Variants in BOLA1 observed in about 807,000 individuals in gnomAD.
BOLA1 encodes bolA-like protein 1.
BOLA1 carries 6 observed loss-of-function variants against 6.6 expected under a neutral mutation model. The ratio of observed to expected loss-of-function variants is 0.92; its 90% CI spans 0.50 to 1.81. The LOEUF is 1.81. Ranked by LOEUF, BOLA1 falls within the 40% of genes most tolerant of loss-of-function variation. BOLA1 has a pLI of 0.01. For synonymous variants in BOLA1, 87 were observed against 85.6 expected, an observed-to-expected ratio of 1.02 and a Z score of -0.09; for missense variants, 183 against 186.8, an observed-to-expected ratio of 0.98 and a Z score of 0.12.
In BOLA1 at chr1:149,900,025, C is replaced by A. The variant is rs1553761617; in HGVS notation, c.-35C>A. 1 of 1,543,300 alleles carries A rather than the reference C, an allele frequency of 6.5e-7. No individual in the cohort carries two copies. The highest frequency in any genetic ancestry group is 8.8e-7 in the Non-Finnish European group (1 of 1,141,934). ...CTCTCACCAGGCGGATCGCCCCGAC[C>A]CTCACTCCTGGCGTCTGAGTCTCTG... On this transcript the variant is annotated 5_prime_UTR_variant, in exon 2 of 2. Transcript: ENST00000369152.
At position 149,900,427 on chromosome 1, in the gene BOLA1, G is replaced by A; in HGVS notation, c.368G>A (p.Ser123Asn). The change falls in exon 2 of 2, where the codon AGC (serine) becomes AAC (asparagine). Residue 123 changes from serine to asparagine, a missense_variant. Ser to Asn is a conservative substitution (Grantham distance 46). Transcript: ENST00000369152. ...AGAGAGAACTCTCAGCTGGACACTA[G>A]CCCCCCATGCCTGGGTGGGAACAAG... Reference protein sequence around the residue: ...QWRENSQLDTSPPCLGGNKKT... With the variant: ...QWRENSQLDTNPPCLGGNKKT... 2 of 1,594,734 alleles carry A rather than the reference G, an allele frequency of 1.3e-6. No individual in the cohort carries two copies. Among genetic ancestry groups the A allele is most frequent in the Non-Finnish European group, 1.7e-6 (2 of 1,166,434 alleles).
rs1548169 is a variant in BOLA1, at chr1:149,900,664, C to T, written c.*191C>T. ...AGTGAACCCGAGAAAAGAGAAGAAT[C>T]ACTCACTACTGCTCTTGCCCTGGAC... On this transcript the variant is annotated 3_prime_UTR_variant, in exon 2 of 2. Coordinates refer to ENST00000369152, the MANE Select transcript of BOLA1 (RefSeq NM_016074.5). 3.3e-5 allele frequency: 20 copies of T among 601,282 alleles called. No individual in the cohort carries two copies. Among genetic ancestry groups the T allele is most frequent in the Admixed American group, 2.8e-4 (8 of 29,052 alleles). 37.2% of individuals were successfully genotyped at this position (601,282 alleles called of 1,614,324 possible). A position where few individuals can be genotyped will look rare whatever the true frequency, so the allele number is the denominator to read the frequency against.
intron 1 of BOLA1, 117 bp from the exon 2 acceptor site, chr1:149,899,893 G>T: frequency 1.4e-6 from 1 of 709,118 alleles, no homozygotes; most frequent in Non-Finnish European, 2.2e-6. Flanking sequence ...GGTGTCTCGG[G>T]TCTCCCCGTG....
rs1553761767 is a variant in BOLA1, at chr1:149,900,489, G to A, written c.*16G>A. Reference sequence around the variant, plus strand: ...AACCCCCTGAACCCCAAGAGAGGGAGGACCAGGATCCGAATGGGCTGGGTG... The same window carrying A: ...AACCCCCTGAACCCCAAGAGAGGGAAGACCAGGATCCGAATGGGCTGGGTG... On this transcript the variant is annotated 3_prime_UTR_variant, in exon 2 of 2. Coordinates refer to ENST00000369152, the MANE Select transcript of BOLA1 (RefSeq NM_016074.5). The A allele has an allele frequency of 1.9e-6, 3 of 1,548,470 alleles. No individual in the cohort carries two copies. The highest frequency in any genetic ancestry group is 1.9e-5 in the Admixed American group (1 of 51,578).
At position 149,900,011 on chromosome 1, in the gene BOLA1, C is replaced by T. The variant is rs1367933665; in HGVS notation, c.-49C>T. 1.6e-5 allele frequency: 24 copies of T among 1,527,872 alleles called. No individual in the cohort carries two copies. The highest frequency in any genetic ancestry group is 2.0e-5 in the Non-Finnish European group (23 of 1,136,880). The allele number at this position is 1,527,872 out of a possible 1,614,324, so 94.6% of individuals were successfully genotyped here. On this transcript the variant is annotated splice_region_variant and 5_prime_UTR_variant, in exon 2 of 2. Coordinates refer to ENST00000369152, the MANE Select transcript of BOLA1 (RefSeq NM_016074.5). ...GTGTTGACATTGTGCTCTCACCAGG[C>T]GGATCGCCCCGACCCTCACTCCTGG...
chr1:149,899,993 C>G lies in BOLA1; in HGVS notation c.-50-17C>G. ...GCGGGGATCGCGGGGCGGGTGTTGA[C>G]ATTGTGCTCTCACCAGGCGGATCGC... On this transcript the variant is annotated splice_polypyrimidine_tract_variant and intron_variant, in intron 1 of 1. Coordinates refer to ENST00000369152, the MANE Select transcript of BOLA1 (RefSeq NM_016074.5). 1 of 1,510,568 alleles carries G rather than the reference C, an allele frequency of 6.6e-7. No individual in the cohort carries two copies. The highest frequency in any genetic ancestry group is 8.9e-7 in the Non-Finnish European group (1 of 1,129,928). 93.6% of individuals were successfully genotyped at this position (1,510,568 alleles called of 1,614,324 possible).
intron 1 of BOLA1, 157 bp downstream of exon 1, chr1:149,899,829 C>T (rs954472750): frequency 3.8e-6 from 2 of 521,936 alleles, no homozygotes; most frequent in Non-Finnish European, 6.6e-6. Flanking sequence ...TCGCTTGTCC[C>T]TTCACTTCCA....
At position 149,900,335 on chromosome 1, in the gene BOLA1, G is replaced by A. The variant is rs782024514; in HGVS notation, c.276G>A (p.Ala92=). The change falls in exon 2 of 2, where the codon GCG becomes GCA. Residue 92 remains alanine (A), a synonymous_variant. Transcript: ENST00000369152. Reference sequence around the variant, plus strand: ...AACGACACCGGCTGGTCCACGCAGCGCTGGCCGAGGAGCTGGGAGGTCCGG... The same window carrying A: ...AACGACACCGGCTGGTCCACGCAGCACTGGCCGAGGAGCTGGGAGGTCCGG... The part of the protein sequence containing the change: ...PLQRHRLVHA[A]LAEELGGPVH... 2 of 1,613,312 alleles carry A rather than the reference G, an allele frequency of 1.2e-6. No individual in the cohort carries two copies. The highest frequency in any genetic ancestry group is 1.7e-5 in the Admixed American group (1 of 60,022).
At position 149,900,503 on chromosome 1, in the gene BOLA1, A is replaced by G; in HGVS notation, c.*30A>G. 6.5e-7 allele frequency: 1 copy of G among 1,538,074 alleles called. No homozygotes were observed. Among genetic ancestry groups the G allele is most frequent in the South Asian group, 1.2e-5 (1 of 80,466 alleles). On this transcript the variant is annotated 3_prime_UTR_variant, in exon 2 of 2. Coordinates refer to ENST00000369152, the MANE Select transcript of BOLA1 (RefSeq NM_016074.5). ...CAAGAGAGGGAGGACCAGGATCCGA[A>G]TGGGCTGGGTGAGCACGAATTACCG...
At chr1:149,899,954 G>A (rs1553761596) in intron 1 of BOLA1, 56 bp from the exon 2 acceptor site, 3 of 1,424,848 alleles carry the variant, frequency 2.1e-6, no homozygotes, top group African/African-American at 2.9e-5. Context: ...TCCGGGCGTG[G>A]GGTTAGGGCG....
chr1:149,900,322 T>A lies in BOLA1; in HGVS notation c.263T>A (p.Leu88Gln). 1 of 1,613,464 alleles carries A rather than the reference T, an allele frequency of 6.2e-7. No individual in the cohort carries two copies. Among genetic ancestry groups the A allele is most frequent in the South Asian group, 1.1e-5 (1 of 91,078 alleles). The change falls in exon 2 of 2, where the codon CTG becomes CAG. Residue 88 changes from leucine (L) to glutamine (Q), a missense_variant. Physicochemically the swap from Leu to Gln is moderately radical, Grantham distance 113. Coordinates refer to ENST00000369152, the MANE Select transcript of BOLA1 (RefSeq NM_016074.5). The part of the protein sequence containing the change: ...EGLSPLQRHR[L>Q]VHAALAEELG... ...CTGAGCCCCCTACAACGACACCGGC[T>A]GGTCCACGCAGCGCTGGCCGAGGAG...
chr1:149,900,310 AACGAC>A lies in BOLA1; in HGVS notation c.254_258del (p.Arg85ProfsTer37), dbSNP rs782203155. 6 of 1,613,518 alleles carry A rather than the reference AACGAC, an allele frequency of 3.7e-6. No homozygotes were observed. Among genetic ancestry groups the A allele is most frequent in the Non-Finnish European group, 5.1e-6 (6 of 1,179,934 alleles). On this transcript the variant is annotated frameshift_variant, in exon 2 of 2. Coordinates refer to ENST00000369152, the MANE Select transcript of BOLA1 (RefSeq NM_016074.5). LOFTEE classifies it high-confidence loss of function. ...CGTTTCGAGGGACTGAGCCCCCTAC[AACGAC>A]ACCGGCTGGTCCACGCAGCGCTGGC... is the stretch of plus-strand genomic sequence containing the variant.
rs2092384686 is a variant in BOLA1, at chr1:149,900,217, A to G, written c.158A>G (p.Asn53Ser). The G allele has an allele frequency of 2.5e-6, 4 of 1,613,508 alleles. No individual in the cohort carries two copies. Among genetic ancestry groups the G allele is most frequent in the South Asian group, 1.1e-5 (1 of 91,072 alleles). The change falls in exon 2 of 2, where the codon AAC (asparagine) becomes AGC (serine). Residue 53 changes from asparagine to serine, a missense_variant. By Grantham distance (46) the Asn-to-Ser change is conservative. Transcript: ENST00000369152. ...ALSPEVLELR[N>S]ESGGHAVPPG... ...AGCCCCGAGGTGCTAGAGCTTCGCA[A>G]CGAGAGCGGTGGCCACGCGGTCCCG...
rs1384413385 is a variant in BOLA1 at position 149,900,687 on chromosome 1, G to C, written c.*214G>C. On this transcript the variant is annotated 3_prime_UTR_variant, in exon 2 of 2. Coordinates refer to ENST00000369152, the MANE Select transcript of BOLA1 (RefSeq NM_016074.5). ...ATCACTCACTACTGCTCTTGCCCTGGACTATTCAGGAAGGGCAGCCCGGAT... is the reference window on the plus strand; with the variant it reads ...ATCACTCACTACTGCTCTTGCCCTGCACTATTCAGGAAGGGCAGCCCGGAT... 1 of 522,834 alleles carries C rather than the reference G, an allele frequency of 1.9e-6. No individual in the cohort carries two copies. Among genetic ancestry groups the C allele is most frequent in the Non-Finnish European group, 3.4e-6 (1 of 295,976 alleles). The allele number at this position is 522,834 out of a possible 1,614,324, so 32.4% of individuals were successfully genotyped here.
rs1336608502 is a variant in BOLA1 at position 149,900,549 on chromosome 1, T to A, written c.*76T>A. 1 of 1,473,094 alleles carries A rather than the reference T, an allele frequency of 6.8e-7. No homozygotes were observed. The highest frequency in any genetic ancestry group is 2.3e-5 in the East Asian group (1 of 43,326). The allele number at this position is 1,473,094 out of a possible 1,614,324, so 91.3% of individuals were successfully genotyped here. ...TACCGAGGCCTTCCCTTTGATACAGTCCAGGATTTGTAAGGGATGAAGACC... is the reference window on the plus strand; with the variant it reads ...TACCGAGGCCTTCCCTTTGATACAGACCAGGATTTGTAAGGGATGAAGACC... On this transcript the variant is annotated 3_prime_UTR_variant, in exon 2 of 2. Coordinates refer to ENST00000369152, the MANE Select transcript of BOLA1 (RefSeq NM_016074.5).
rs759954856 is a variant in BOLA1 at position 149,900,566 on chromosome 1, A to T, written c.*93A>T. The stretch of plus-strand genomic sequence containing the variant: ...TGATACAGTCCAGGATTTGTAAGGG[A>T]TGAAGACCCCTGGGCCCCATTCTGT... On this transcript the variant is annotated 3_prime_UTR_variant, in exon 2 of 2. Coordinates refer to ENST00000369152, the MANE Select transcript of BOLA1 (RefSeq NM_016074.5). The T allele has an allele frequency of 3.5e-5, 48 of 1,390,088 alleles. No individual in the cohort carries two copies. Among genetic ancestry groups the T allele is most frequent in the Non-Finnish European group, 4.3e-5 (44 of 1,026,198 alleles). The allele number at this position is 1,390,088 out of a possible 1,614,324, so 86.1% of individuals were successfully genotyped here.
rs1396566443 is a variant in BOLA1 at position 149,900,228 on chromosome 1, G to A, written c.169G>A (p.Gly57Ser). 1 of 1,613,128 alleles carries A rather than the reference G, an allele frequency of 6.2e-7. No homozygotes were observed. The highest frequency in any genetic ancestry group is 1.3e-5 in the African/African-American group (1 of 74,934). Residue 57 changes from glycine (G) to serine (S), a missense_variant, in exon 2 of 2, where the codon GGC becomes AGC. Gly to Ser is a moderately conservative substitution (Grantham distance 56, BLOSUM62 0). Transcript: ENST00000369152. ...EVLELRNESG[G>S]HAVPPGSETH... ...GCTAGAGCTTCGCAACGAGAGCGGT[G>A]GCCACGCGGTCCCGCCTGGCAGTGA...
rs782812985 is a variant in BOLA1 at position 149,900,151 on chromosome 1, C to T, written c.92C>T (p.Pro31Leu). The change falls in exon 2 of 2, where the codon CCG (proline) becomes CTG (leucine). Residue 31 changes from proline to leucine, a missense_variant. Transcript: ENST00000369152. Reference protein sequence around the residue: ...QGSAGSGAIGPVEAAIRTKLE... With the variant: ...QGSAGSGAIGLVEAAIRTKLE... ...AGCGCGGGATCCGGGGCCATCGGTC[C>T]GGTGGAGGCCGCCATTCGCACGAAG... is the stretch of plus-strand genomic sequence containing the variant. 18 of 1,613,440 alleles carry T rather than the reference C, an allele frequency of 1.1e-5. No homozygotes were observed. The East Asian group carries it at 2.2e-4, about 20-fold the overall frequency.
intron 1 of BOLA1, 78 bp from the exon 2 acceptor site, chr1:149,899,932 C>A: frequency 8.1e-7 from 1 of 1,227,316 alleles, no homozygotes; most frequent in South Asian, 1.5e-5. Context: ...CCTATAGGAG[C>A]TGGTGTGGAC....
Sources: gnomAD v4.1 joint callset for allele counts on GRCh38, gnomAD v4.1.1 for gene constraint, MANE v1.5 for transcripts, NCBI Gene and HGNC (gene_info 2026-07-23, HGNC 2026-07-21) for gene names.